Variants in PTK2 observed in about 807,000 individuals in gnomAD.
PTK2 encodes focal adhesion kinase 1.
A neutral mutation model predicts 150.1 loss-of-function variants in PTK2; 45 were observed. That is an observed-to-expected ratio of 0.30 (90% CI 0.24 to 0.38). PTK2 has a LOEUF of 0.38. Among genes scored for constraint, PTK2 ranks in the 10% least tolerant of loss-of-function variants. The pLI, the probability that PTK2 is intolerant of heterozygous loss-of-function variation, is 1.00. For missense variants in PTK2, 919 were observed against 1,307.3 expected, an observed-to-expected ratio of 0.70 and a Z score of 4.58; for synonymous variants, 432 against 449.2, an observed-to-expected ratio of 0.96 and a Z score of 0.48.
chr8:140,918,343 A>G (rs1207296251), intron 2 of PTK2, among the ~76,000 whole-genome samples: 2 of 152,232 alleles, frequency 1.3e-5, no homozygotes, highest in African/African-American at 4.8e-5. Flanking sequence ...CTAGCCTTTC[A>G]AAAACATGAA....
At chr8:140,788,864 T>A (rs1264497427) in intron 14 of PTK2, among the ~76,000 whole-genome samples, 3 of 152,184 alleles carry the variant, frequency 2.0e-5, no homozygotes, top group Non-Finnish European at 4.4e-5. Flanking sequence ...GTATATGTAT[T>A]TTAAGATATC....
At chr8:140,892,206 A>G (rs2100154479) in intron 2 of PTK2, among the ~76,000 whole-genome samples, 3 of 151,116 alleles carry the variant, frequency 2.0e-5, no homozygotes, top group Admixed American at 2.0e-4. Flanking sequence ...AGACTGTCTC[A>G]AAACAAACAA....
chr8:140,920,337 G>A (rs1324353252), intron 2 of PTK2, among the ~76,000 whole-genome samples: 1 of 152,014 alleles, frequency 6.6e-6, no homozygotes, highest in Non-Finnish European at 1.5e-5. Context: ...GAAGAAAATT[G>A]TTTATGTATG....
chr8:140,773,932 C>A (rs533651636), intron 14 of PTK2, among the ~76,000 whole-genome samples: 2 of 152,158 alleles, frequency 1.3e-5, no homozygotes, highest in Non-Finnish European at 2.9e-5. Context: ...AAGCCCCATA[C>A]TCCTGCCTCT....
At chr8:140,739,828 G>C (rs898445655) in intron 20 of PTK2, among the ~76,000 whole-genome samples, 2 of 152,230 alleles carry the variant, frequency 1.3e-5, no homozygotes, top group African/African-American at 4.8e-5. Flanking sequence ...GCTGCGACAG[G>C]AGGGAGAGAC....
intron 5 of PTK2, among the ~76,000 whole-genome samples, chr8:140,856,876 T>C (rs2100132954): frequency 6.6e-6 from 1 of 152,164 alleles, no homozygotes; most frequent in African/African-American, 2.4e-5. Flanking sequence ...TGTATGAAAA[T>C]TTAAGATGGA....
intron 3 of PTK2, among the ~76,000 whole-genome samples, chr8:140,885,179 A>G (rs376871779): frequency 1.3e-5 from 2 of 152,222 alleles, no homozygotes; most frequent in African/African-American, 4.8e-5. Flanking sequence ...AGATATCAGT[A>G]AAGTGGGGTA....
intron 16 of PTK2, 80 bp downstream of exon 19, chr8:140,761,085 A>T: frequency 1.1e-6 from 1 of 878,396 alleles, no homozygotes. Context: ...AGAACTAAGG[A>T]CTCATGAAGA....
At chr8:140,804,112 T>C (rs2100096877) in intron 10 of PTK2, among the ~76,000 whole-genome samples, 1 of 152,166 alleles carries the variant, frequency 6.6e-6, no homozygotes. Context: ...ACTGGAGATC[T>C]GTAGCTAGGG....
At chr8:140,708,647 A>C (rs1404177711) in intron 23 of PTK2, among the ~76,000 whole-genome samples, 7 of 152,066 alleles carry the variant, frequency 4.6e-5, no homozygotes, top group African/African-American at 7.2e-5. Context: ...GAATTCCCCC[A>C]AAAACACCCC....
At chr8:140,723,606 A>G (rs1490425105) in intron 22 of PTK2, among the ~76,000 whole-genome samples, 2 of 152,222 alleles carry the variant, frequency 1.3e-5, no homozygotes, top group African/African-American at 4.8e-5. Context: ...CCCAAACTAT[A>G]AATATTTTTA....
intron 19 of PTK2, among the ~76,000 whole-genome samples, chr8:140,744,088 T>G (rs1250460069): frequency 1.4e-5 from 2 of 146,630 alleles, no homozygotes; most frequent in Non-Finnish European, 3.0e-5. Context: ...ATTTCTTTTT[T>G]TTTTTTTTGG....
chr8:140,661,840 G>A (rs2080516837), intron 31 of PTK2, among the ~76,000 whole-genome samples: 1 of 152,190 alleles, frequency 6.6e-6, no homozygotes, highest in African/African-American at 2.4e-5. Flanking sequence ...CCAAACAGCT[G>A]GAGCACTGGA....
chr8:140,962,230 A>G (rs2100183463), intron 1 of PTK2, among the ~76,000 whole-genome samples: 1 of 150,678 alleles, frequency 6.6e-6, no homozygotes, highest in South Asian at 2.1e-4. Flanking sequence ...AAAAAAAAAA[A>G]AAAAGGAAGG....
intron 22 of PTK2, among the ~76,000 whole-genome samples, chr8:140,724,462 T>C (rs560599215): frequency 8.3e-4 from 126 of 152,362 alleles, no homozygotes; most frequent in African/African-American, 3.0e-3. Context: ...TACTTTTTGC[T>C]TTATTAAATA....
intron 1 of PTK2, among the ~76,000 whole-genome samples, chr8:140,949,154 A>G (rs1329640719): frequency 1.3e-5 from 2 of 152,260 alleles, no homozygotes; most frequent in East Asian, 1.9e-4. Flanking sequence ...ATATTTCTTA[A>G]TATTTCTTAT....
At chr8:140,777,796 A>G (rs1403773091) in intron 14 of PTK2, among the ~76,000 whole-genome samples, 1 of 150,990 alleles carries the variant, frequency 6.6e-6, no homozygotes, top group African/African-American at 2.4e-5. Flanking sequence ...AGAGCTGAAA[A>G]CTCTTCCCTC....
chr8:140,695,106 C>T (rs2100025729), intron 26 of PTK2, among the ~76,000 whole-genome samples: 1 of 152,262 alleles, frequency 6.6e-6, no homozygotes, highest in Admixed American at 6.5e-5. Flanking sequence ...AACCTGGCAT[C>T]ATCATGTTTC....
intron 22 of PTK2, among the ~76,000 whole-genome samples, chr8:140,719,336 G>A (rs2100041478): frequency 6.6e-6 from 1 of 152,186 alleles, no homozygotes; most frequent in Non-Finnish European, 1.5e-5. Context: ...TAAGAATTCT[G>A]CAGCAGCCTT....
Sources: allele counts gnomAD v4.1 joint callset (sites outside exome capture counted in the v4.1 genomes callset), GRCh38; gene constraint gnomAD v4.1.1; transcripts MANE v1.5; gene names NCBI Gene and HGNC (gene_info 2026-07-23, HGNC 2026-07-21).